The following WRN variants were observed in gnomAD, a reference collection of about 807,000 sequenced individuals.
The protein encoded by WRN is bifunctional 3'-5' exonuclease/ATP-dependent helicase WRN.
In WRN, 149 loss-of-function variants were observed where a neutral mutation model predicts 180.7. The observed-to-expected ratio is 0.82, with a 90% CI of 0.72 to 0.94. The LOEUF (loss-of-function observed/expected upper bound fraction) is 0.94, where lower values mean the gene tolerates loss of function less well. WRN is among the 40% of genes least tolerant of loss of function. The probability of loss-of-function intolerance (pLI) is 0.00; values close to 1 mark genes in which losing one functional copy is unlikely to be tolerated. For synonymous variants in WRN, 548 were observed against 568.9 expected, an observed-to-expected ratio of 0.96 and a Z score of 0.52; for missense variants, 1,661 against 1,700.1, an observed-to-expected ratio of 0.98 and a Z score of 0.40.
intron 23 of WRN, among the ~76,000 whole-genome samples, chr8:31,128,358 C>T (rs1467325451): frequency 6.6e-6 from 1 of 151,924 alleles, no homozygotes; most frequent in Non-Finnish European, 1.5e-5. Context: ...AGCAGTGTAT[C>T]TCAAGTATTT....
intron 1 of WRN, among the ~76,000 whole-genome samples, chr8:31,048,194 C>A (rs1811942315): frequency 6.6e-6 from 1 of 152,112 alleles, no homozygotes; most frequent in Non-Finnish European, 1.5e-5. Context: ...CTACAGTTAA[C>A]CTAGATGTGA....
chr8:31,142,562 A>C (rs1261316862), intron 26 of WRN, 64 bp from the exon 27 acceptor site: 3 of 1,253,746 alleles, frequency 2.4e-6, no homozygotes, highest in Non-Finnish European at 2.3e-6. Flanking sequence ...ATGGAGTATC[A>C]TGATTCATGA....
chr8:31,090,723 T>C, intron 14 of WRN, 111 bp from the exon 15 acceptor site: 1 of 1,058,678 alleles, frequency 9.4e-7, no homozygotes, highest in Non-Finnish European at 1.4e-6. Context: ...AGCATACTAG[T>C]ATTGACCATT....
intron 1 of WRN, among the ~76,000 whole-genome samples, chr8:31,051,096 T>C (rs1812062170): frequency 6.6e-6 from 1 of 152,104 alleles, no homozygotes; most frequent in South Asian, 2.1e-4. Flanking sequence ...TTTAGTGCTT[T>C]TTAAAAAGAG....
intron 1 of WRN, among the ~76,000 whole-genome samples, chr8:31,051,287 A>G (rs115149402): frequency 1.3e-5 from 2 of 152,054 alleles, no homozygotes; most frequent in Non-Finnish European, 2.9e-5. Context: ...AAATTTGTCT[A>G]TTTTCTAGAA....
chr8:31,124,368 CA>C (rs1466597288), intron 21 of WRN, among the ~76,000 whole-genome samples, 153 bp from the exon 22 acceptor site: 2 of 151,450 alleles, frequency 1.3e-5, no homozygotes, highest in Admixed American at 1.3e-4. Context: ...AGGAATACAA[CA>C]GAACTTTCTG....
At chr8:31,109,796 A>G (rs1233460215) in intron 18 of WRN, among the ~76,000 whole-genome samples, 1 of 152,174 alleles carries the variant, frequency 6.6e-6, no homozygotes, top group Non-Finnish European at 1.5e-5. Context: ...AAAATCTCAC[A>G]TCTAGTAAGT....
At chr8:31,109,848 C>A (rs1801237205) in intron 18 of WRN, among the ~76,000 whole-genome samples, 1 of 152,142 alleles carries the variant, frequency 6.6e-6, no homozygotes, top group Non-Finnish European at 1.5e-5. Context: ...GATTCCAAAA[C>A]AGACTTTTTT....
chr8:31,101,726 GCAGTGAGCCGAGATTGTGCCATTCCACTC>G (rs1800873511), intron 18 of WRN, among the ~76,000 whole-genome samples: 1 of 145,064 alleles, frequency 6.9e-6, no homozygotes, highest in South Asian at 2.2e-4. Context: ...GGTGGAGGTT[GCAGTGAGCCGAGATTGTGCCATTCCACTC>G]CAGCCTGGGC....
chr8:31,134,138 C>T (rs1802299374), intron 24 of WRN, among the ~76,000 whole-genome samples: 1 of 152,116 alleles, frequency 6.6e-6, no homozygotes, highest in African/African-American at 2.4e-5. Flanking sequence ...GAAAATAAGG[C>T]ATTGTTTTTT....
intron 33 of WRN, among the ~76,000 whole-genome samples, chr8:31,160,237 G>C (rs1441024872): frequency 6.6e-6 from 1 of 152,164 alleles, no homozygotes; most frequent in Admixed American, 6.5e-5. Context: ...GGACGTAGTA[G>C]TCATGCTAAT....
intron 14 of WRN, 140 bp from the exon 15 acceptor site, chr8:31,090,694 A>C (rs905421866): frequency 9.6e-7 from 1 of 1,046,724 alleles, no homozygotes; most frequent in African/African-American, 1.6e-5. Context: ...TTTATGTATC[A>C]ATTAGCTTTT....
chr8:31,080,385 C>T lies in WRN; in HGVS notation c.840-482C>T, dbSNP rs114443321. ...TAAGACACCTGAAGCAATCTGAGTG[C>T]GGAGTCCTAGGCATTATGATTTTCC... On this transcript the variant is annotated intron_variant, in intron 8 of 34. Coordinates refer to ENST00000298139, the MANE Select transcript of WRN (RefSeq NM_000553.6). 4.7e-3 allele frequency among the ~76,000 whole-genome samples: 718 copies of T among 151,826 alleles called. 6 individuals carry two copies. Among genetic ancestry groups the T allele is most frequent in the African/African-American group, 0.017 (691 of 41,390 alleles).
intron 1 of WRN, among the ~76,000 whole-genome samples, chr8:31,053,455 T>G (rs1345181803): frequency 6.6e-6 from 1 of 152,200 alleles, no homozygotes; most frequent in Non-Finnish European, 1.5e-5. Context: ...CAGTACCTTC[T>G]TTTCACCTTT....
chr8:31,102,291 C>T (rs1800905148), intron 18 of WRN, among the ~76,000 whole-genome samples: 2 of 152,212 alleles, frequency 1.3e-5, no homozygotes, highest in African/African-American at 2.4e-5. Context: ...TACATGGAAT[C>T]ATGCAATTTG....
At position 31,059,186 on chromosome 8, in the gene WRN, CT is replaced by C; in HGVS notation, c.131del (p.Leu44ProfsTer4). Reference sequence around the variant, plus strand: ...TCGGAAGAGTGTTTTTGAAGATGACCTCCCCTTCTTAGAATTCACTGGATCC... The same window carrying C: ...TCGGAAGAGTGTTTTTGAAGATGACCCCCCTTCTTAGAATTCACTGGATCC... ...CVRKSVFEDDLPFLEFTGSIV... is the reference protein window; with the variant it reads ...CVRKSVFEDDXPFLEFTGSIV... On this transcript the variant is annotated frameshift_variant, in exon 3 of 35. Coordinates refer to ENST00000298139, the MANE Select transcript of WRN (RefSeq NM_000553.6). LOFTEE classifies it high-confidence loss of function. The C allele has an allele frequency of 6.2e-7, 1 of 1,613,724 alleles. No individual in the cohort carries two copies. Among genetic ancestry groups the C allele is most frequent in the South Asian group, 1.1e-5 (1 of 91,074 alleles).
At chr8:31,115,326 G>A (rs1391012315) in intron 19 of WRN, among the ~76,000 whole-genome samples, 1 of 152,202 alleles carries the variant, frequency 6.6e-6, no homozygotes, top group East Asian at 1.9e-4. Context: ...TATTCAGTAT[G>A]ACTCTTGTAG....
intron 17 of WRN, among the ~76,000 whole-genome samples, chr8:31,099,348 G>A (rs1814119718): frequency 6.7e-6 from 1 of 150,266 alleles, no homozygotes; most frequent in South Asian, 2.1e-4. Context: ...AGCTTGCAGT[G>A]AGCCGAGATT....
chr8:31,074,354 C>T (rs1813022199), intron 7 of WRN, among the ~76,000 whole-genome samples: 1 of 152,020 alleles, frequency 6.6e-6, no homozygotes, highest in African/African-American at 2.4e-5. Context: ...CAAGGAATTT[C>T]GCTATAAATG....
Sources: gnomAD v4.1 joint callset for allele counts (sites outside exome capture counted in the v4.1 genomes callset) on GRCh38, gnomAD v4.1.1 for gene constraint, MANE v1.5 for transcripts, NCBI Gene and HGNC (gene_info 2026-07-23, HGNC 2026-07-21) for gene names.